Variants in BMP8A observed in about 807,000 individuals in gnomAD.
BMP8A encodes the protein BMP-8A.
Under a neutral mutation model 36.8 loss-of-function variants are expected in BMP8A, and 14 were observed. The observed-to-expected ratio is 0.38, with a 90% confidence interval of 0.25 to 0.60. BMP8A has a LOEUF of 0.60. Ranked by LOEUF, BMP8A falls within the 20% of genes least tolerant of loss-of-function variation. The pLI is 0.63. For missense variants in BMP8A, 267 were observed against 551.1 expected (o/e 0.48, Z 5.16); for synonymous variants, 120 against 237.7 (o/e 0.50, Z 4.55).
chr1:39,514,018 A>C (rs1352618939), intron 3 of BMP8A, among the ~76,000 whole-genome samples: 1 of 151,096 alleles, frequency 6.6e-6, no homozygotes, highest in East Asian at 2.0e-4. Flanking sequence ...CACTGAAGGC[A>C]AGAACAGAGA....
At chr1:39,510,895 G>A (rs190621913) in intron 1 of BMP8A, among the ~76,000 whole-genome samples, 216 of 152,326 alleles carry the variant, frequency 1.4e-3, no homozygotes, top group Middle Eastern at 3.4e-3. Flanking sequence ...AAGAAGGGGC[G>A]CAACGGGAGT....
At chr1:39,492,881 G>T (rs397832503) in intron 1 of BMP8A, among the ~76,000 whole-genome samples, 5 of 152,248 alleles carry the variant, frequency 3.3e-5, no homozygotes, top group African/African-American at 4.8e-5. Flanking sequence ...CAGGGACTGT[G>T]GCCTTGTCAC....
chr1:39,523,147 C>G, intron 6 of BMP8A, 30 bp downstream of exon 6: 1 of 1,608,420 alleles, frequency 6.2e-7, no homozygotes, highest in East Asian at 2.2e-5. Flanking sequence ...TGCCCAGCCC[C>G]CTGGGGTGGG....
chr1:39,511,020 C>T (rs1645349451), intron 1 of BMP8A, among the ~76,000 whole-genome samples, 154 bp from the exon 2 acceptor site: 1 of 152,212 alleles, frequency 6.6e-6, no homozygotes, highest in South Asian at 2.1e-4. Flanking sequence ...CTGGAACAAA[C>T]GTTTGCACAA....
intron 1 of BMP8A, among the ~76,000 whole-genome samples, chr1:39,494,953 T>A (rs2124305483): frequency 6.9e-6 from 1 of 144,786 alleles, no homozygotes; most frequent in South Asian, 2.1e-4. Context: ...TATTCTGCTG[T>A]GCTAACTGCA....
rs149527255 is a variant in BMP8A at position 39,525,667 on chromosome 1, A to T, written c.1078A>T (p.Asn360Tyr). The T allele has an allele frequency of 1.2e-6, 2 of 1,614,086 alleles. No individual in the cohort carries two copies. Among genetic ancestry groups the T allele is most frequent in the Non-Finnish European group, 1.7e-6 (2 of 1,179,996 alleles). ...LQSLVHLMKP[N>Y]AVPKACCAPT... ...TGGCCAGGTGCACCTGATGAAGCCAAACGCAGTCCCCAAGGCGTGCTGTGC... is the reference window on the plus strand; with the variant it reads ...TGGCCAGGTGCACCTGATGAAGCCATACGCAGTCCCCAAGGCGTGCTGTGC... The change falls in exon 7 of 7, where the codon AAC becomes TAC. Residue 360 changes from asparagine (N) to tyrosine (Y), a missense_variant. Transcript: ENST00000331593.
At chr1:39,507,080 G>C (rs1288721430) in intron 1 of BMP8A, among the ~76,000 whole-genome samples, 1 of 152,146 alleles carries the variant, frequency 6.6e-6, no homozygotes, top group East Asian at 1.9e-4. Flanking sequence ...TTTTGCAGAC[G>C]GGGGAACTAG....
intron 1 of BMP8A, among the ~76,000 whole-genome samples, chr1:39,496,355 G>C (rs1045353995): frequency 1.5e-4 from 22 of 149,968 alleles, no homozygotes; most frequent in African/African-American, 5.4e-4. Context: ...CGCCCCATCG[G>C]GAAACAGGAG....
At chr1:39,507,860 C>T (rs893722503) in intron 1 of BMP8A, among the ~76,000 whole-genome samples, 1 of 152,176 alleles carries the variant, frequency 6.6e-6, no homozygotes, top group Non-Finnish European at 1.5e-5. Context: ...ACACTGAGCC[C>T]AGAAGGTTAA....
intron 1 of BMP8A, among the ~76,000 whole-genome samples, chr1:39,498,580 G>A (rs1237154644): frequency 6.6e-6 from 1 of 152,210 alleles, no homozygotes; most frequent in Admixed American, 6.5e-5. Context: ...AAATACCTCA[G>A]CATGGAGCCC....
chr1:39,504,616 C>G (rs2124336291), intron 1 of BMP8A, among the ~76,000 whole-genome samples: 1 of 152,380 alleles, frequency 6.6e-6, no homozygotes, highest in East Asian at 1.9e-4. Context: ...GGGGCCTGCC[C>G]CTCCACACCT....
Position 39,527,030 on chromosome 1 carries a change from A to G in BMP8A, c.*1232A>G, listed in dbSNP as rs186237370. Among the ~76,000 whole-genome samples, 1 of 152,156 alleles carries G rather than the reference A, an allele frequency of 6.6e-6. No homozygotes were observed. Among genetic ancestry groups the G allele is most frequent in the East Asian group, 1.9e-4 (1 of 5,160 alleles). ...GCCCCACTGCAGAGCAATCCATTCC[A>G]TCCAAAGCAGGGTGACTGGCAGTCT... On this transcript the variant is annotated 3_prime_UTR_variant, in exon 7 of 7. Coordinates refer to ENST00000331593, the MANE Select transcript of BMP8A (RefSeq NM_181809.4).
At position 39,492,079 on chromosome 1, in the gene BMP8A, G is replaced by T; in HGVS notation, c.88G>T (p.Gly30Cys). The T allele has an allele frequency of 2.6e-6, 3 of 1,137,592 alleles. No homozygotes were observed. Among genetic ancestry groups the T allele is most frequent in the South Asian group, 4.0e-5 (1 of 24,718 alleles). The allele number at this position is 1,137,592 out of a possible 1,614,324, so 70.5% of individuals were successfully genotyped here. A position where few individuals can be genotyped will look rare whatever the true frequency, so the allele number is the denominator to read the frequency against. ...GGGPGLRPPP[G>C]CPQRRLGARE... ...CGGCCCCGGCCTGCGACCCCCGCCC[G>T]GCTGTCCCCAGCGACGTCTGGGCGC... The change falls in exon 1 of 7, where the codon GGC (glycine) becomes TGC (cysteine). Residue 30 changes from glycine to cysteine, a missense_variant. By Grantham distance (159) the Gly-to-Cys change is radical. Around this residue, in one of 7 missense-constraint regions of BMP8A, gnomAD observed 56 missense variants for 74.1 expected, o/e 0.76. Transcript: ENST00000331593.
chr1:39,506,769 G>C (rs1323259280), intron 1 of BMP8A, among the ~76,000 whole-genome samples: 1 of 151,994 alleles, frequency 6.6e-6, no homozygotes, highest in South Asian at 2.1e-4. Flanking sequence ...TAACTTTCCT[G>C]TTTGTTATCT....
At chr1:39,505,034 T>C (rs1051753610) in intron 1 of BMP8A, among the ~76,000 whole-genome samples, 1 of 152,172 alleles carries the variant, frequency 6.6e-6, no homozygotes, top group African/African-American at 2.4e-5. Context: ...TCTCAGTAAA[T>C]AGAATGTCCA....
At chr1:39,525,577 G>A in intron 6 of BMP8A, 72 bp from the exon 7 acceptor site, 1 of 1,567,494 alleles carries the variant, frequency 6.4e-7, no homozygotes, top group African/African-American at 1.3e-5. Context: ...GGTGGAGCTG[G>A]GGCGGGGCTA....
intron 1 of BMP8A, among the ~76,000 whole-genome samples, chr1:39,492,804 C>G (rs1172405317): frequency 6.6e-6 from 1 of 152,144 alleles, no homozygotes; most frequent in Non-Finnish European, 1.5e-5. Context: ...CTTCCCTGTG[C>G]GGAGCCTGGG....
chr1:39,524,278 C>G lies in BMP8A; in HGVS notation c.1059+1161C>G, dbSNP rs1045809065. ...CTGGACTCCATCTCCTCTGCCCTTG[C>G]CCCTGCCCCTCAGGGGCTCAACTAG... On this transcript the variant is annotated intron_variant, in intron 6 of 6. Transcript: ENST00000331593. The surrounding 1 kb of genome is among the most constrained non-coding windows in gnomAD (Gnocchi z 4.0). 6.6e-5 allele frequency among the ~76,000 whole-genome samples: 10 copies of G among 152,158 alleles called. No homozygotes were observed. Among genetic ancestry groups the G allele is most frequent in the African/African-American group, 2.4e-4 (10 of 41,440 alleles).
intron 1 of BMP8A, among the ~76,000 whole-genome samples, chr1:39,506,794 C>G (rs1219347711): frequency 6.6e-6 from 1 of 152,188 alleles, no homozygotes; most frequent in Non-Finnish European, 1.5e-5. Context: ...TCCCTGCAAG[C>G]CTGTAAACCC....
Sources: allele counts gnomAD v4.1 joint callset (sites outside exome capture counted in the v4.1 genomes callset), GRCh38; gene constraint gnomAD v4.1.1; regional missense constraint gnomAD v4.1.1; non-coding constraint Gnocchi (gnomAD v3.1); transcripts MANE v1.5; gene names NCBI Gene and HGNC (gene_info 2026-07-23, HGNC 2026-07-21).